MTPAP: variants seen among roughly 807,000 people sequenced by gnomAD.
The protein encoded by MTPAP is mitochondrial poly(A) polymerase.
Under a neutral mutation model 48.7 loss-of-function variants are expected in MTPAP, and 23 were observed. The observed-to-expected ratio is 0.47, with a 90% CI of 0.34 to 0.67. The LOEUF is 0.67. MTPAP is among the 30% of genes least tolerant of loss of function. The pLI is 0.01. For synonymous variants in MTPAP, 257 were observed against 254.1 expected, an observed-to-expected ratio of 1.01 and a Z score of -0.11; for missense variants, 614 against 694.3, an observed-to-expected ratio of 0.88 and a Z score of 1.30.
intron 7 of MTPAP, 30 bp from the exon 8 acceptor site, chr10:30,316,066 A>T: frequency 6.2e-7 from 1 of 1,610,482 alleles, no homozygotes; most frequent in Non-Finnish European, 8.5e-7. Flanking sequence ...GGACAATCAG[A>T]GGAAAGCCTG....
rs555926858 is a variant in MTPAP at position 30,342,490 on chromosome 10, TTC to T, written c.158-852_158-851del. ...ATGACTACTATTAAAACTGCCCACT[TTC>T]TCTGTTTTGATTTACTATGCTTGAT... On this transcript the variant is annotated intron_variant, in intron 1 of 8. Transcript: ENST00000263063. Among the ~76,000 whole-genome samples the T allele has an allele frequency of 1.3e-3, 194 of 151,320 alleles. 1 individual carries two copies. Among genetic ancestry groups the T allele is most frequent in the African/African-American group, 4.3e-3 (177 of 41,304 alleles).
At chr10:30,334,463 C>T (rs1834705954) in intron 4 of MTPAP, among the ~76,000 whole-genome samples, 1 of 151,952 alleles carries the variant, frequency 6.6e-6, no homozygotes. Flanking sequence ...GAGTTCCAGA[C>T]CAGCCTGGCC....
intron 5 of MTPAP, among the ~76,000 whole-genome samples, chr10:30,323,413 T>C (rs1268570039): frequency 5.7e-5 from 8 of 141,296 alleles, no homozygotes; most frequent in African/African-American, 1.6e-4. Flanking sequence ...GAAAGCGTTA[T>C]TGCACTCCAG....
chr10:30,338,728 TTTC>T (rs1834760506), intron 3 of MTPAP, among the ~76,000 whole-genome samples: 1 of 151,964 alleles, frequency 6.6e-6, no homozygotes, highest in Non-Finnish European at 1.5e-5. Context: ...AAGCAAAAAT[TTTC>T]TTATTAGAAA....
chr10:30,313,764 G>A lies in MTPAP; in HGVS notation c.1594C>T (p.Leu532=). Residue 532 remains leucine, a synonymous_variant, in exon 9 of 9, where the codon CTA becomes TTA. Transcript: ENST00000263063. ...NRPWGLVSLL[L]PSAPNRKSFT... Reference sequence around the variant, plus strand: ...GACTTTCTGTTTGGAGCAGATGGTAGCAATAGGGATACCAGCCCCCAGGGC... The same window carrying A: ...GACTTTCTGTTTGGAGCAGATGGTAACAATAGGGATACCAGCCCCCAGGGC... 1 of 1,614,104 alleles carries A rather than the reference G, an allele frequency of 6.2e-7. No homozygotes were observed. Among genetic ancestry groups the A allele is most frequent in the Non-Finnish European group, 8.5e-7 (1 of 1,179,954 alleles).
At chr10:30,339,201 C>G (rs1223237786) in intron 3 of MTPAP, among the ~76,000 whole-genome samples, 2 of 151,766 alleles carry the variant, frequency 1.3e-5, no homozygotes, top group African/African-American at 4.8e-5. Flanking sequence ...GAGACAGAAT[C>G]TTGGGCCGGG....
chr10:30,332,213 C>CA (rs1834676905), intron 4 of MTPAP, among the ~76,000 whole-genome samples: 1 of 152,022 alleles, frequency 6.6e-6, no homozygotes. Flanking sequence ...AACATATTTC[C>CA]AAAAAATCCT....
At chr10:30,316,309 C>A in intron 6 of MTPAP, 99 bp from the exon 7 acceptor site, 2 of 929,294 alleles carry the variant, frequency 2.2e-6, no homozygotes, top group South Asian at 1.4e-5. Flanking sequence ...GCGGCATGAT[C>A]TCAGCTCAAT....
chr10:30,318,780 A>T (rs187100768), intron 6 of MTPAP, among the ~76,000 whole-genome samples: 1 of 152,354 alleles, frequency 6.6e-6, no homozygotes, highest in African/African-American at 2.4e-5. Flanking sequence ...GTGAACTCCT[A>T]CTATGAACCC....
intron 1 of MTPAP, among the ~76,000 whole-genome samples, chr10:30,343,017 T>A (rs1834829561): frequency 1.3e-5 from 2 of 152,176 alleles, no homozygotes; most frequent in Admixed American, 6.5e-5. Flanking sequence ...AAGAGAGTAT[T>A]AAAGCACAAA....
chr10:30,322,088 T>C (rs539417539), intron 6 of MTPAP, among the ~76,000 whole-genome samples: 4 of 152,322 alleles, frequency 2.6e-5, no homozygotes, highest in African/African-American at 9.6e-5. Context: ...AAGTTGTATC[T>C]GAACAAGTTG....
In MTPAP at chr10:30,337,004, G is replaced by C. The variant is rs540519544; in HGVS notation, c.579C>G (p.Leu193=). The change falls in exon 4 of 9, where the codon CTC becomes CTG. Residue 193 remains leucine, a synonymous_variant. Transcript: ENST00000263063. ...AESIDDQLNT[L]LKEFQLTEEN... ...CCTCTGTTAGCTGGAACTCCTTCAA[G>C]AGAGTGTTCAGCTGATCGTCTATCT... 6.8e-6 allele frequency: 11 copies of C among 1,613,268 alleles called. No individual in the cohort carries two copies. The highest frequency in any genetic ancestry group is 8.5e-6 in the Non-Finnish European group (10 of 1,179,858).
At chr10:30,346,878 C>G (rs574948175) in intron 1 of MTPAP, among the ~76,000 whole-genome samples, 12 of 152,234 alleles carry the variant, frequency 7.9e-5, no homozygotes, top group Non-Finnish European at 1.5e-4. Context: ...AGCATGTGAA[C>G]GTGGAGCTGC....
Position 30,349,200 on chromosome 10 carries a change from T to C in MTPAP, c.76A>G (p.Ile26Val), listed in dbSNP as rs1163068175. ...ARRRTRVQRP[I>V]VRLLSCPGTV... ...CCTGGGCAACTCAAAAGCCTGACGA[T>C]AGGCCGCTGGACTCGAGTTCTTCTC... is the stretch of plus-strand genomic sequence containing the variant. The change falls in exon 1 of 9, where the codon ATC (isoleucine) becomes GTC (valine). Residue 26 changes from isoleucine to valine, a missense_variant. Around this residue, in one of 5 missense-constraint regions of MTPAP, gnomAD observed 125 missense variants for 111.5 expected, o/e 1.12. Transcript: ENST00000263063. 5 of 1,604,668 alleles carry C rather than the reference T, an allele frequency of 3.1e-6. No homozygotes were observed. The highest frequency in any genetic ancestry group is 2.2e-5 in the South Asian group (2 of 90,812).
In MTPAP at chr10:30,342,414, A is replaced by C. The variant is rs117231767; in HGVS notation, c.158-774T>G. On this transcript the variant is annotated intron_variant, in intron 1 of 8. Transcript: ENST00000263063. ...AACCGAAACTGTGGACAGTGAAAAC[A>C]TGGATGAGGTGGAATTACTGCACTT... Among the ~76,000 whole-genome samples the C allele has an allele frequency of 3.3e-5, 5 of 152,294 alleles. No individual in the cohort carries two copies. The East Asian group carries it at 9.6e-4, about 29-fold the overall frequency.
intron 1 of MTPAP, among the ~76,000 whole-genome samples, chr10:30,344,782 G>A (rs1050287535): frequency 2.6e-5 from 4 of 151,912 alleles, no homozygotes; most frequent in Non-Finnish European, 4.4e-5. Context: ...TCGGCTCACC[G>A]CAATCTCCAC....
In MTPAP at chr10:30,316,171, G is replaced by A. The variant is rs773559380; in HGVS notation, c.1259C>T (p.Thr420Ile). Residue 420 changes from threonine (T) to isoleucine (I), a missense_variant, in exon 7 of 9, where the codon ACA (threonine) becomes ATA (isoleucine). Thr to Ile is a moderately conservative substitution (Grantham distance 89). Transcript: ENST00000263063. ...DKCVIEGNNC[T>I]FVRDLSRIKP... ...AATTCTACTCAAGTCACGAACAAATGTGCAGTTGTTGCCTTCTATTACACA... is the reference window on the plus strand; with the variant it reads ...AATTCTACTCAAGTCACGAACAAATATGCAGTTGTTGCCTTCTATTACACA... 1 of 1,613,816 alleles carries A rather than the reference G, an allele frequency of 6.2e-7. No individual in the cohort carries two copies. Among genetic ancestry groups the A allele is most frequent in the South Asian group, 1.1e-5 (1 of 91,068 alleles).
Position 30,313,908 on chromosome 10 carries a change from G to A in MTPAP, c.1450C>T (p.Leu484Phe). 1 of 1,614,080 alleles carries A rather than the reference G, an allele frequency of 6.2e-7. No homozygotes were observed. Among genetic ancestry groups the A allele is most frequent in the Non-Finnish European group, 8.5e-7 (1 of 1,179,990 alleles). ...LYIQNPFETS[L>F]NISKNVSQSQ... is the part of the protein sequence containing the mutation. The stretch of plus-strand genomic sequence containing the variant: ...TGACTTACATTTTTGCTTATGTTGA[G>A]AGAAGTTTCAAATGGATTCTGAATG... The change falls in exon 9 of 9, where the codon CTC becomes TTC. Residue 484 changes from leucine to phenylalanine, a missense_variant. By Grantham distance (22) the Leu-to-Phe change is conservative (BLOSUM62 0). Coordinates refer to ENST00000263063, the MANE Select transcript of MTPAP (RefSeq NM_018109.4).
rs1187911827 is a variant in MTPAP, at chr10:30,341,583, T to C, written c.215A>G (p.Glu72Gly). 12 of 1,614,036 alleles carry C rather than the reference T, an allele frequency of 7.4e-6. No homozygotes were observed. Among genetic ancestry groups the C allele is most frequent in the Non-Finnish European group, 8.5e-6 (10 of 1,180,024 alleles). ...TATTAAAACAGTCCGCTGTGCCTGT[T>C]CTCGTCTTTCATTTTGCATCTCAGA... ...RFSEMQNERR[E>G]QAQRTVLIHC... The change falls in exon 2 of 9, where the codon GAA becomes GGA. Residue 72 changes from glutamate (E) to glycine (G), a missense_variant. Glu to Gly is a moderately conservative substitution (Grantham distance 98). Coordinates refer to ENST00000263063, the MANE Select transcript of MTPAP (RefSeq NM_018109.4).
Sources: gnomAD v4.1 joint callset for allele counts (sites outside exome capture counted in the v4.1 genomes callset) on GRCh38, gnomAD v4.1.1 for gene constraint, gnomAD v4.1.1 regional missense constraint, MANE v1.5 for transcripts, NCBI Gene and HGNC (gene_info 2026-07-23, HGNC 2026-07-21) for gene names.